The following GTF2F2 variants were observed in gnomAD, a reference collection of about 807,000 sequenced individuals.
GTF2F2 encodes the protein general transcription factor IIF subunit 2.
A neutral mutation model predicts 42.2 loss-of-function variants in GTF2F2; 23 were observed. The observed-to-expected ratio is 0.55, with a 90% CI of 0.39 to 0.77. GTF2F2 has a LOEUF of 0.77. Among genes scored for constraint, GTF2F2 ranks in the 30% least tolerant of loss-of-function variants. The pLI is 0.00. For missense variants in GTF2F2, 261 were observed against 287.2 expected, an observed-to-expected ratio of 0.91 and a Z score of 0.66; for synonymous variants, 105 against 100.8, an observed-to-expected ratio of 1.04 and a Z score of -0.25.
chr13:45,191,224 A>ATATATATATATATATATAT (rs1555267736), intron 4 of GTF2F2, among the ~76,000 whole-genome samples: 8 of 75,312 alleles, frequency 1.1e-4, no homozygotes, highest in African/African-American at 6.0e-4. Flanking sequence ...ACAAAAAAAA[A>ATATATATATATATATATAT]ATATATATAT....
intron 5 of GTF2F2, among the ~76,000 whole-genome samples, chr13:45,220,104 T>C (rs1874047463): frequency 6.6e-6 from 1 of 152,234 alleles, no homozygotes; most frequent in Non-Finnish European, 1.5e-5. Flanking sequence ...AGTAGGTGCG[T>C]GATAAATACT....
At chr13:45,126,213 A>G (rs1868989342) in intron 1 of GTF2F2, among the ~76,000 whole-genome samples, 1 of 151,892 alleles carries the variant, frequency 6.6e-6, no homozygotes, top group South Asian at 2.1e-4. Flanking sequence ...AAAGTTGGCA[A>G]AGAAGCACCT....
chr13:45,271,536 C>G (rs1876793585), intron 7 of GTF2F2, among the ~76,000 whole-genome samples: 1 of 151,698 alleles, frequency 6.6e-6, no homozygotes, highest in African/African-American at 2.4e-5. Context: ...GCGCCCACCA[C>G]CACACCCAGC....
At chr13:45,227,148 A>G (rs915420781) in intron 5 of GTF2F2, among the ~76,000 whole-genome samples, 2 of 152,198 alleles carry the variant, frequency 1.3e-5, no homozygotes, top group Non-Finnish European at 2.9e-5. Context: ...TTATTTTTGT[A>G]TATTTGTATT....
intron 1 of GTF2F2, among the ~76,000 whole-genome samples, chr13:45,135,505 G>A (rs1414158637): frequency 2.0e-5 from 3 of 152,054 alleles, no homozygotes; most frequent in East Asian, 1.9e-4. Flanking sequence ...TGATCTGCCC[G>A]CCTCGGCCTT....
At chr13:45,273,396 T>C (rs560580904) in intron 7 of GTF2F2, among the ~76,000 whole-genome samples, 1 of 152,074 alleles carries the variant, frequency 6.6e-6, no homozygotes, top group East Asian at 1.9e-4. Flanking sequence ...TTTTACCTCA[T>C]CCTGAATGAG....
chr13:45,216,845 T>TA (rs1322548290), intron 5 of GTF2F2, among the ~76,000 whole-genome samples: 1 of 151,948 alleles, frequency 6.6e-6, no homozygotes, highest in African/African-American at 2.4e-5. Context: ...TTTAAGGCTA[T>TA]AGAACAGGAA....
At chr13:45,163,440 G>A (rs1223327042) in intron 4 of GTF2F2, among the ~76,000 whole-genome samples, 1 of 152,092 alleles carries the variant, frequency 6.6e-6, no homozygotes, top group African/African-American at 2.4e-5. Context: ...GGAGGCTGAG[G>A]CAGGAGAATT....
intron 5 of GTF2F2, among the ~76,000 whole-genome samples, chr13:45,245,324 T>C (rs547086122): frequency 3.9e-5 from 6 of 152,158 alleles, no homozygotes; most frequent in African/African-American, 1.4e-4. Context: ...AGTAGGTTTT[T>C]GAGGAACAGG....
chr13:45,240,560 G>T (rs1272270951), intron 5 of GTF2F2, among the ~76,000 whole-genome samples: 3 of 152,192 alleles, frequency 2.0e-5, no homozygotes. Context: ...GGGCAGAGTG[G>T]CTCACACCTG....
At chr13:45,221,440 A>G (rs1037400866) in intron 5 of GTF2F2, among the ~76,000 whole-genome samples, 1 of 152,186 alleles carries the variant, frequency 6.6e-6, no homozygotes, top group Non-Finnish European at 1.5e-5. Flanking sequence ...AAAATTTCAA[A>G]AAGACCACTG....
intron 7 of GTF2F2, among the ~76,000 whole-genome samples, chr13:45,282,267 A>G (rs1877298924): frequency 6.6e-6 from 1 of 151,946 alleles, no homozygotes; most frequent in South Asian, 2.1e-4. Context: ...AAATTCTGTA[A>G]TTTATATTGG....
At chr13:45,267,810 A>AT (rs201281124) in intron 7 of GTF2F2, among the ~76,000 whole-genome samples, 4,578 of 121,726 alleles carry the variant, frequency 0.038, 187 homozygotes, top group African/African-American at 0.1. Context: ...TTTTCTGTGG[A>AT]TTTTTTTTTT....
rs3047056 is a variant in GTF2F2, at chr13:45,236,490, T to TACACACACAC, written c.387-16351_387-16342dup. ...TTGATTCCTCACCCCCCGCCACACA[T>TACACACACAC]ACACACACACACACACACACACACA... On this transcript the variant is annotated intron_variant, in intron 5 of 7. Transcript: ENST00000340473. Among the ~76,000 whole-genome samples the TACACACACAC allele has an allele frequency of 3.4e-3, 484 of 142,018 alleles. 3 individuals are homozygous for TACACACACAC. Among genetic ancestry groups the TACACACACAC allele is most frequent in the African/African-American group, 0.012 (466 of 39,792 alleles). 93.2% of individuals were successfully genotyped at this position (142,018 alleles called of 152,430 possible).
At chr13:45,277,022 G>T (rs1877063802) in intron 7 of GTF2F2, among the ~76,000 whole-genome samples, 1 of 152,164 alleles carries the variant, frequency 6.6e-6, no homozygotes, top group African/African-American at 2.4e-5. Context: ...AGTTTTTACA[G>T]GGAGGAATGG....
At chr13:45,235,194 A>C (rs1352099152) in intron 5 of GTF2F2, among the ~76,000 whole-genome samples, 2 of 151,836 alleles carry the variant, frequency 1.3e-5, no homozygotes, top group Non-Finnish European at 2.9e-5. Context: ...TATAAATATT[A>C]GTGTTTCTGT....
At chr13:45,148,104 A>G (rs571717482) in intron 2 of GTF2F2, among the ~76,000 whole-genome samples, 8 of 152,342 alleles carry the variant, frequency 5.3e-5, no homozygotes, top group Non-Finnish European at 1.0e-4. Context: ...TAGACCCTTC[A>G]TAATAGAATG....
At chr13:45,254,996 A>G (rs528272252) in intron 6 of GTF2F2, among the ~76,000 whole-genome samples, 16 of 152,036 alleles carry the variant, frequency 1.1e-4, no homozygotes, top group Admixed American at 9.2e-4. Context: ...GTGAAACCCC[A>G]TCTCTACTAA....
intron 4 of GTF2F2, among the ~76,000 whole-genome samples, chr13:45,192,517 A>G (rs1872700498): frequency 6.6e-6 from 1 of 152,152 alleles, no homozygotes; most frequent in South Asian, 2.1e-4. Flanking sequence ...AGATTTAGTT[A>G]CCAGATTTAA....
Sources: gnomAD v4.1 joint callset for allele counts (sites outside exome capture counted in the v4.1 genomes callset) on GRCh38, gnomAD v4.1.1 for gene constraint, MANE v1.5 for transcripts, NCBI Gene and HGNC (gene_info 2026-07-23, HGNC 2026-07-21) for gene names.